SLC18A1: variants seen among roughly 807,000 people sequenced by gnomAD.
The protein encoded by SLC18A1 is solute carrier family 18 member A1.
Under a neutral mutation model 53.7 loss-of-function variants are expected in SLC18A1, and 69 were observed. The observed-to-expected ratio is 1.28, with a 90% confidence interval of 1.06 to 1.57. The LOEUF (loss-of-function observed/expected upper bound fraction) is 1.57, where lower values mean the gene tolerates loss of function less well. Among genes scored for constraint, SLC18A1 ranks in the 40% most tolerant of loss-of-function variants. The probability of loss-of-function intolerance (pLI) is 0.00; values close to 1 mark genes in which losing one functional copy is unlikely to be tolerated. For synonymous variants in SLC18A1, 320 were observed against 248.1 expected, an observed-to-expected ratio of 1.29 and a Z score of -2.72; for missense variants, 932 against 668.1, an observed-to-expected ratio of 1.40 and a Z score of -4.35.
intron 10 of SLC18A1, among the ~76,000 whole-genome samples, chr8:20,159,648 A>G (rs1027809159): frequency 5.9e-5 from 4 of 67,346 alleles, no homozygotes; most frequent in African/African-American, 3.8e-4. Context: ...AAAAAAAAAA[A>G]AAAAAAAAAA....
chr8:20,148,134 A>C, intron 12 of SLC18A1, 64 bp from the exon 13 acceptor site: 1 of 1,428,650 alleles, frequency 7.0e-7, no homozygotes, highest in South Asian at 1.2e-5. Context: ...CAAGGTTCAA[A>C]GAGTTTTCAC....
intron 4 of SLC18A1, among the ~76,000 whole-genome samples, chr8:20,175,141 C>T (rs1368456635): frequency 6.6e-6 from 1 of 152,130 alleles, no homozygotes; most frequent in African/African-American, 2.4e-5. Context: ...AATATGTCAT[C>T]CAAAACAATA....
At chr8:20,181,215 G>T in intron 1 of SLC18A1, 128 bp from the exon 2 acceptor site, 1 of 327,842 alleles carries the variant, frequency 3.1e-6, no homozygotes. Flanking sequence ...ATGCCTTCCT[G>T]GTAAGCATCG....
At chr8:20,180,780 G>T in intron 2 of SLC18A1, 61 bp downstream of exon 2, 1 of 1,603,580 alleles carries the variant, frequency 6.2e-7, no homozygotes, top group Non-Finnish European at 8.5e-7. Context: ...CAAGCAGGGT[G>T]TACACTGCCT....
intron 15 of SLC18A1, 89 bp downstream of exon 15, chr8:20,147,169 G>A: frequency 1.4e-6 from 2 of 1,405,646 alleles, no homozygotes; most frequent in Non-Finnish European, 1.9e-6. Context: ...AATAGAGGGA[G>A]GAAATAACAG....
chr8:20,174,336 G>A lies in SLC18A1; in HGVS notation c.631+25C>T, dbSNP rs560733480. The A allele has an allele frequency of 7.8e-5, 119 of 1,516,382 alleles. 2 individuals are homozygous for A. In the South Asian group the frequency reaches 1.3e-3, roughly 17 times the overall value. 93.9% of individuals were successfully genotyped at this position (1,516,382 alleles called of 1,614,324 possible). A position where few individuals can be genotyped will look rare whatever the true frequency, so the allele number is the denominator to read the frequency against. ...TGTGTGTGCATGCCTGCATGTGTGT[G>A]TGCATGATGAGTTGCCAGTGTTACC... is the stretch of plus-strand genomic sequence containing the variant. On this transcript the variant is annotated intron_variant, in intron 5 of 15. Transcript: ENST00000276373.
At chr8:20,169,481 G>A (rs112860657) in intron 8 of SLC18A1, among the ~76,000 whole-genome samples, 4 of 152,202 alleles carry the variant, frequency 2.6e-5, no homozygotes, top group African/African-American at 9.6e-5. Flanking sequence ...TGTTCTTAGG[G>A]AAAATGCTCT....
At chr8:20,165,230 G>C in intron 8 of SLC18A1, 123 bp from the exon 9 acceptor site, 1 of 845,346 alleles carries the variant, frequency 1.2e-6, no homozygotes. Flanking sequence ...CTTTACTGCA[G>C]AGACCAGGAA....
At chr8:20,160,048 CAATTACAATTA>C in intron 10 of SLC18A1, among the ~76,000 whole-genome samples, 1 of 152,028 alleles carries the variant, frequency 6.6e-6, no homozygotes, top group South Asian at 2.1e-4. Flanking sequence ...AATACCATGG[CAATTACAATTA>C]AATTAAAAGT....
intron 8 of SLC18A1, among the ~76,000 whole-genome samples, chr8:20,167,059 A>T (rs1315520326): frequency 2.6e-5 from 4 of 151,964 alleles, no homozygotes; most frequent in African/African-American, 9.7e-5. Context: ...CCCAATCTGT[A>T]GTATTTTGTT....
intron 8 of SLC18A1, among the ~76,000 whole-genome samples, chr8:20,170,272 A>G (rs530990885): frequency 1.2e-4 from 18 of 152,292 alleles, no homozygotes; most frequent in African/African-American, 4.3e-4. Flanking sequence ...ATTCTTTCAG[A>G]TGCTTCTCTG....
At chr8:20,164,762 T>C in intron 10 of SLC18A1, 107 bp downstream of exon 10, 1 of 806,690 alleles carries the variant, frequency 1.2e-6, no homozygotes, top group Non-Finnish European at 2.0e-6. Flanking sequence ...ACGTGGGAGG[T>C]CATTCTACAA....
chr8:20,151,375 C>G (rs1051855875), intron 10 of SLC18A1, among the ~76,000 whole-genome samples: 2 of 152,158 alleles, frequency 1.3e-5, no homozygotes, highest in African/African-American at 4.8e-5. Flanking sequence ...ATAAAATACC[C>G]TTGATTATCA....
chr8:20,168,102 T>C (rs1336543654), intron 8 of SLC18A1, among the ~76,000 whole-genome samples: 1 of 152,098 alleles, frequency 6.6e-6, no homozygotes, highest in Non-Finnish European at 1.5e-5. Context: ...AACAAGTTAA[T>C]GGGCTTTGAC....
At chr8:20,182,870 A>T (rs1426362879) in intron 1 of SLC18A1, among the ~76,000 whole-genome samples, 193 bp downstream of exon 1, 4 of 152,268 alleles carry the variant, frequency 2.6e-5, no homozygotes, top group Non-Finnish European at 5.9e-5. Flanking sequence ...ATGGAAAATT[A>T]AAAAACATAG....
intron 10 of SLC18A1, among the ~76,000 whole-genome samples, chr8:20,155,154 G>T (rs535517766): frequency 6.6e-6 from 1 of 152,160 alleles, no homozygotes; most frequent in Non-Finnish European, 1.5e-5. Context: ...CAAAAGGCTC[G>T]CTGCCATCTT....
Position 20,181,146 on chromosome 8 carries a change from C to T in SLC18A1, c.-123-59G>A, listed in dbSNP as rs1008243726. ...AGTAGGATGATATTTGGAAACATCT[C>T]CATGTCTGTATCACTGTTCACTTCT... On this transcript the variant is annotated intron_variant, in intron 1 of 15. Coordinates refer to ENST00000276373, the MANE Select transcript of SLC18A1 (RefSeq NM_003053.4). 8.7e-6 allele frequency: 5 copies of T among 575,084 alleles called. No homozygotes were observed. The East Asian group carries it at 1.6e-4, about 19-fold the overall frequency. The allele number at this position is 575,084 out of a possible 1,614,324, so 35.6% of individuals were successfully genotyped here. A position where few individuals can be genotyped will look rare whatever the true frequency, so the allele number is the denominator to read the frequency against.
intron 15 of SLC18A1, 105 bp downstream of exon 15, chr8:20,147,153 C>G: frequency 1.6e-6 from 2 of 1,234,134 alleles, no homozygotes; most frequent in Non-Finnish European, 1.1e-6. Context: ...AGAGTATCAA[C>G]AGAGCAATAG....
At chr8:20,153,227 G>T (rs1370459487) in intron 10 of SLC18A1, among the ~76,000 whole-genome samples, 1 of 148,670 alleles carries the variant, frequency 6.7e-6, no homozygotes, top group African/African-American at 2.5e-5. Flanking sequence ...CGTTTTTTTT[G>T]CAGCCCCATG....
Sources: gnomAD v4.1 joint callset for allele counts (sites outside exome capture counted in the v4.1 genomes callset) on GRCh38, gnomAD v4.1.1 for gene constraint, MANE v1.5 for transcripts, NCBI Gene and HGNC (gene_info 2026-07-23, HGNC 2026-07-21) for gene names.